KAZN: variants seen among roughly 807,000 people sequenced by gnomAD.
KAZN encodes kazrin, periplakin interacting protein.
A neutral mutation model predicts 87.4 loss-of-function variants in KAZN; 40 were observed. The ratio of observed to expected loss-of-function variants is 0.46; its 90% confidence interval spans 0.36 to 0.60. The LOEUF (loss-of-function observed/expected upper bound fraction) is 0.60. KAZN is among the 20% of genes least tolerant of loss of function. The pLI is 0.00. For missense variants in KAZN, 898 were observed against 1,073.9 expected, an observed-to-expected ratio of 0.84 and a Z score of 2.29; for synonymous variants, 466 against 458.3, an observed-to-expected ratio of 1.02 and a Z score of -0.22.
At chr1:14,386,021 G>A (rs1661850490) in intron 2 of KAZN, among the ~76,000 whole-genome samples, 1 of 151,874 alleles carries the variant, frequency 6.6e-6, no homozygotes, top group African/African-American at 2.4e-5. Context: ...TATATTTTTA[G>A]GATAGTTAGC....
chr1:14,725,777 TG>T (rs1161934968), intron 1 of KAZN, among the ~76,000 whole-genome samples: 10 of 152,300 alleles, frequency 6.6e-5, no homozygotes, highest in African/African-American at 2.2e-4. Flanking sequence ...CAAAGCCACC[TG>T]GGGATCTTGT....
chr1:14,181,354 C>T (rs1317191007), intron 2 of KAZN, among the ~76,000 whole-genome samples: 1 of 152,202 alleles, frequency 6.6e-6, no homozygotes, highest in Non-Finnish European at 1.5e-5. Context: ...TCTTCCTGAG[C>T]TTGTTTTCTG....
intron 1 of KAZN, among the ~76,000 whole-genome samples, chr1:13,939,376 T>C (rs2100963334): frequency 6.6e-6 from 1 of 152,364 alleles, no homozygotes; most frequent in South Asian, 2.1e-4. Flanking sequence ...CCTTAGGGCA[T>C]GAGCACAATT....
intron 1 of KAZN, among the ~76,000 whole-genome samples, chr1:14,672,437 G>A (rs1328625629): frequency 6.6e-5 from 10 of 152,096 alleles, no homozygotes; most frequent in Admixed American, 3.9e-4. Context: ...CCTCCCTTTC[G>A]ACAGGTCAAT....
rs78989513 is a variant in KAZN at position 14,414,640 on chromosome 1, G to A, written c.250-184343G>A. Among the ~76,000 whole-genome samples the A allele has an allele frequency of 9.4e-3, 1,425 of 152,282 alleles. 30 individuals are homozygous for A. The highest frequency in any genetic ancestry group is 0.033 in the African/African-American group (1,364 of 41,538). On this transcript the variant is annotated intron_variant, in intron 2 of 16. Transcript: ENST00000636203. ...TGTGTGTGTGTGTGTATGTGTGTGT[G>A]TGTTATACGTATGTAGCAAAAATAG...
At chr1:14,495,913 G>A (rs965839529) in intron 2 of KAZN, among the ~76,000 whole-genome samples, 2 of 152,232 alleles carry the variant, frequency 1.3e-5, no homozygotes, top group African/African-American at 2.4e-5. Context: ...TGGAACCAAC[G>A]TTCTTTCTTT....
intron 1 of KAZN, among the ~76,000 whole-genome samples, chr1:14,066,030 T>C (rs1033114978): frequency 6.6e-6 from 1 of 152,226 alleles, no homozygotes; most frequent in Non-Finnish European, 1.5e-5. Flanking sequence ...CCACTCCGTA[T>C]GCCTTTGCTA....
chr1:14,530,520 A>C (rs1672149711), intron 2 of KAZN, among the ~76,000 whole-genome samples: 1 of 152,128 alleles, frequency 6.6e-6, no homozygotes, highest in Admixed American at 6.5e-5. Context: ...TCATGGGGGC[A>C]AATTCCTCAT....
chr1:14,290,713 C>T (rs777493072), intron 2 of KAZN, among the ~76,000 whole-genome samples: 6 of 152,204 alleles, frequency 3.9e-5, no homozygotes, highest in Non-Finnish European at 7.3e-5. Context: ...TCCAGCTTTG[C>T]TCCATTGCTG....
At position 14,121,497 on chromosome 1, in the gene KAZN, T is replaced by G. The variant is rs532946836; in HGVS notation, c.92-58938T>G. Among the ~76,000 whole-genome samples, 6 of 152,248 alleles carry G rather than the reference T, an allele frequency of 3.9e-5. No individual in the cohort carries two copies. In the East Asian group the frequency reaches 1.2e-3, roughly 29 times the overall value. ...AGTTAGGAATTGGAAGAACCCAGAT[T>G]CAAATGCAAGCAATCTGGATCATGA... On this transcript the variant is annotated intron_variant, in intron 1 of 16. Coordinates refer to the KAZN transcript ENST00000636203.
intron 1 of KAZN, among the ~76,000 whole-genome samples, chr1:14,868,308 G>T (rs957242662): frequency 6.6e-6 from 1 of 152,216 alleles, no homozygotes; most frequent in African/African-American, 2.4e-5. Context: ...TAGACCCAAT[G>T]GCTGTCTTTA....
At chr1:14,075,813 T>C (rs1643434028) in intron 1 of KAZN, among the ~76,000 whole-genome samples, 1 of 152,124 alleles carries the variant, frequency 6.6e-6, no homozygotes, top group African/African-American at 2.4e-5. Flanking sequence ...ATCCTTGGCC[T>C]CTGCCCACCG....
At chr1:14,933,773 G>A (rs1343747354) in intron 1 of KAZN, among the ~76,000 whole-genome samples, 1 of 151,912 alleles carries the variant, frequency 6.6e-6, no homozygotes, top group Non-Finnish European at 1.5e-5. Context: ...CTCCCAAGTA[G>A]CTAGGACTAC....
chr1:14,720,342 A>G (rs1453176579), intron 1 of KAZN, among the ~76,000 whole-genome samples: 2 of 152,186 alleles, frequency 1.3e-5, no homozygotes, highest in Non-Finnish European at 2.9e-5. Flanking sequence ...TCCCAGCAAG[A>G]TCCCAAATAC....
chr1:15,097,137 G>A (rs1640839832), intron 10 of KAZN, among the ~76,000 whole-genome samples: 2 of 152,122 alleles, frequency 1.3e-5, no homozygotes, highest in Admixed American at 6.6e-5. Context: ...AGTTAAATTA[G>A]GACAGTGGTT....
intron 1 of KAZN, among the ~76,000 whole-genome samples, chr1:14,083,555 A>G (rs1643755640): frequency 1.3e-5 from 2 of 152,358 alleles, no homozygotes; most frequent in South Asian, 2.1e-4. Flanking sequence ...TAAGTGGTCT[A>G]TACATAAGAG....
intron 2 of KAZN, among the ~76,000 whole-genome samples, chr1:14,565,948 G>T (rs1674524054): frequency 6.6e-6 from 1 of 152,108 alleles, no homozygotes; most frequent in African/African-American, 2.4e-5. Flanking sequence ...GACTTTGAGG[G>T]TTGGAATCAG....
At chr1:14,845,128 G>A (rs1057175244) in intron 1 of KAZN, among the ~76,000 whole-genome samples, 1 of 151,828 alleles carries the variant, frequency 6.6e-6, no homozygotes, top group Non-Finnish European at 1.5e-5. Flanking sequence ...TGAGTGGGTG[G>A]ATGAGTGGAT....
Position 13,965,121 on chromosome 1 carries a change from G to A in KAZN, c.91+71365G>A, listed in dbSNP as rs527829659. Among the ~76,000 whole-genome samples, 14 of 152,270 alleles carry A rather than the reference G, an allele frequency of 9.2e-5. No individual in the cohort carries two copies. The South Asian group carries it at 2.7e-3, about 29-fold the overall frequency. ...CCTGATGAGTGCAGGTCAAGGCAGG[G>A]ACTCTGCCTTCCACCCTGAGTGACA... On this transcript the variant is annotated intron_variant, in intron 1 of 16. Coordinates refer to the KAZN transcript ENST00000636203.
Sources: allele counts gnomAD v4.1 joint callset (sites outside exome capture counted in the v4.1 genomes callset), GRCh38; gene constraint gnomAD v4.1.1; transcripts MANE v1.5; gene names NCBI Gene and HGNC (gene_info 2026-07-23, HGNC 2026-07-21).